The following WASHC5 variants were observed in gnomAD, a reference collection of about 807,000 sequenced individuals.
WASHC5 encodes the protein WASH complex subunit strumpellin.
A neutral mutation model predicts 150.4 loss-of-function variants in WASHC5; 101 were observed. That is an observed-to-expected ratio of 0.67 (90% CI 0.57 to 0.79). WASHC5 has a LOEUF of 0.79. WASHC5 is among the 30% of genes least tolerant of loss of function. WASHC5 has a pLI of 0.00. For missense variants in WASHC5, 1,195 were observed against 1,396.3 expected (o/e 0.86, Z 2.30); for synonymous variants, 467 against 491.2 (o/e 0.95, Z 0.65).
intron 5 of WASHC5, among the ~76,000 whole-genome samples, chr8:125,081,113 T>G (rs951270177): frequency 1.3e-5 from 2 of 152,118 alleles, no homozygotes; most frequent in Admixed American, 1.3e-4. Context: ...TAATCCATAC[T>G]TCTAATAATC....
intron 1 of WASHC5, among the ~76,000 whole-genome samples, chr8:125,089,672 A>G (rs1563640906): frequency 6.6e-6 from 1 of 152,252 alleles, no homozygotes; most frequent in Non-Finnish European, 1.5e-5. Context: ...CCCAACATAC[A>G]GAAGGACAGA....
intron 28 of WASHC5, among the ~76,000 whole-genome samples, chr8:125,025,206 G>A (rs1815342421): frequency 6.6e-6 from 1 of 152,172 alleles, no homozygotes; most frequent in Admixed American, 6.5e-5. Flanking sequence ...GAATGTAGAG[G>A]TAGGTGATCT....
chr8:125,045,823 CATAT>C (rs1816050158), intron 20 of WASHC5, among the ~76,000 whole-genome samples: 1 of 152,178 alleles, frequency 6.6e-6, no homozygotes, highest in Admixed American at 6.5e-5. Context: ...TGATAAAATT[CATAT>C]ATGATGTGGA....
intron 27 of WASHC5, among the ~76,000 whole-genome samples, chr8:125,031,940 C>A (rs1815551533): frequency 6.6e-6 from 1 of 152,122 alleles, no homozygotes; most frequent in Admixed American, 6.5e-5. Flanking sequence ...AGAGCTGCAT[C>A]CAAGAGTGCA....
chr8:125,044,838 GCACCCAATGCGTCTTCCCAGTGA>G, intron 20 of WASHC5, 140 bp from the exon 21 acceptor site: 1 of 866,788 alleles, frequency 1.2e-6, no homozygotes, highest in Non-Finnish European at 1.9e-6. Context: ...CTGTATTCAG[GCACCCAATGCGTCTTCCCAGTGA>G]CACCCAATGG....
rs1449509673 is a variant in WASHC5, at chr8:125,024,512, AAAT to A, written c.*102_*104del. 4 of 840,618 alleles carry A rather than the reference AAAT, an allele frequency of 4.8e-6. No individual in the cohort carries two copies. The Admixed American group carries it at 5.4e-5, about 11-fold the overall frequency. 52.1% of individuals were successfully genotyped at this position (840,618 alleles called of 1,614,324 possible). On this transcript the variant is annotated 3_prime_UTR_variant, in exon 29 of 29. Transcript: ENST00000318410. ...TGATGTTTCCCATAATAGACAGAAA[AAAT>A]GCAGTTGTATGAGCAACTGAGTTTC...
rs1816949195 is a variant in WASHC5 at position 125,073,142 on chromosome 8, T to C, written c.1150+11A>G. On this transcript the variant is annotated intron_variant, in intron 9 of 28. Coordinates refer to ENST00000318410, the MANE Select transcript of WASHC5 (RefSeq NM_014846.4). ...GGAGTAATATAAACGGCCACCCCTTTTGTGCATTACCTGAGTCTGCTGTAT... is the reference window on the plus strand; with the variant it reads ...GGAGTAATATAAACGGCCACCCCTTCTGTGCATTACCTGAGTCTGCTGTAT... 4 of 1,613,988 alleles carry C rather than the reference T, an allele frequency of 2.5e-6. No homozygotes were observed. The highest frequency in any genetic ancestry group is 1.7e-6 in the Non-Finnish European group (2 of 1,179,864).
chr8:125,085,797 A>T (rs1817402383), intron 1 of WASHC5, among the ~76,000 whole-genome samples: 1 of 152,196 alleles, frequency 6.6e-6, no homozygotes, highest in Admixed American at 6.5e-5. Context: ...ACTTACACAA[A>T]TGAAATAACT....
At position 125,033,694 on chromosome 8, in the gene WASHC5, G is replaced by A. The variant is rs557564321; in HGVS notation, c.3182-1300C>T. Among the ~76,000 whole-genome samples the A allele has an allele frequency of 8.6e-5, 13 of 151,856 alleles. No homozygotes were observed. In the South Asian group the frequency reaches 2.7e-3, roughly 32 times the overall value. ...CTCCCAAGTAGCTGGGATTACAGGCGTGTGCCACCACGTCTGGCTAATTTT... is the reference window on the plus strand; with the variant it reads ...CTCCCAAGTAGCTGGGATTACAGGCATGTGCCACCACGTCTGGCTAATTTT... On this transcript the variant is annotated intron_variant, in intron 26 of 28. Coordinates refer to ENST00000318410, the MANE Select transcript of WASHC5 (RefSeq NM_014846.4).
rs150588648 is a variant in WASHC5, at chr8:125,074,189, T to C, written c.978+809A>G. 1.6e-3 allele frequency among the ~76,000 whole-genome samples: 251 copies of C among 152,244 alleles called. 1 individual carries two copies. The highest frequency in any genetic ancestry group is 5.8e-3 in the African/African-American group (243 of 41,542). On this transcript the variant is annotated intron_variant, in intron 8 of 28. Coordinates refer to ENST00000318410, the MANE Select transcript of WASHC5 (RefSeq NM_014846.4). Reference sequence around the variant, plus strand: ...CTTAAAAATGTCACAAATGAGAAAATGCAATTTTAGAAAGGGATTTTAGCA... The same window carrying C: ...CTTAAAAATGTCACAAATGAGAAAACGCAATTTTAGAAAGGGATTTTAGCA...
Position 125,063,719 on chromosome 8 carries a change from A to G in WASHC5, c.1279-68T>C, listed in dbSNP as rs570321960. 5 of 1,446,170 alleles carry G rather than the reference A, an allele frequency of 3.5e-6. No individual in the cohort carries two copies. The East Asian group carries it at 9.3e-5, about 27-fold the overall frequency. 89.6% of individuals were successfully genotyped at this position (1,446,170 alleles called of 1,614,324 possible). ...TCCAGACTAGGCAGCTTATGAAGAG[A>G]GCTTGAGGAAACCCAATTTAAATTT... On this transcript the variant is annotated intron_variant, in intron 10 of 28. Coordinates refer to ENST00000318410, the MANE Select transcript of WASHC5 (RefSeq NM_014846.4).
rs755857918 is a variant in WASHC5, at chr8:125,083,258, C to G, written c.187G>C (p.Gly63Arg). Reference protein sequence around the residue: ...DIIFDFSYFKGPELWESKLDA... With the variant: ...DIIFDFSYFKRPELWESKLDA... The stretch of plus-strand genomic sequence containing the variant: ...AGTTTGCTTTCCCATAATTCTGGAC[C>G]CTGAGAAAAAAAAACACATGTGAAA... Residue 63 changes from glycine to arginine, a missense_variant and splice_region_variant, in exon 3 of 29, where the codon GGT becomes CGT. Physicochemically the swap from Gly to Arg is moderately radical, Grantham distance 125. Transcript: ENST00000318410. 6 of 1,610,526 alleles carry G rather than the reference C, an allele frequency of 3.7e-6. No individual in the cohort carries two copies. The highest frequency in any genetic ancestry group is 4.2e-6 in the Non-Finnish European group (5 of 1,178,548).
intron 1 of WASHC5, among the ~76,000 whole-genome samples, chr8:125,090,101 G>T (rs563572006): frequency 2.6e-5 from 4 of 152,190 alleles, no homozygotes; most frequent in Middle Eastern, 3.2e-3. Flanking sequence ...GTTAAAACAA[G>T]ATTAGCTGAA....
At chr8:125,040,275 C>T (rs183686115) in intron 23 of WASHC5, among the ~76,000 whole-genome samples, 31 of 152,248 alleles carry the variant, frequency 2.0e-4, no homozygotes, top group African/African-American at 7.5e-4. Context: ...TACTTACTTC[C>T]TTTTATTTAT....
chr8:125,056,566 A>G, intron 16 of WASHC5, 111 bp downstream of exon 16: 1 of 1,226,768 alleles, frequency 8.2e-7, no homozygotes, highest in Non-Finnish European at 1.2e-6. Flanking sequence ...TGAGACAACA[A>G]GTCAGAATTG....
intron 17 of WASHC5, among the ~76,000 whole-genome samples, chr8:125,055,126 ATAAG>A (rs1251582653): frequency 6.6e-6 from 1 of 152,084 alleles, no homozygotes; most frequent in Non-Finnish European, 1.5e-5. Context: ...TCCTCCATCA[ATAAG>A]TGAGTAAAAC....
chr8:125,089,631 G>GT (rs1817536491), intron 1 of WASHC5, among the ~76,000 whole-genome samples: 1 of 152,136 alleles, frequency 6.6e-6, no homozygotes, highest in Non-Finnish European at 1.5e-5. Context: ...TTAAAGCAAA[G>GT]TAACATTACT....
intron 17 of WASHC5, among the ~76,000 whole-genome samples, chr8:125,054,915 G>T (rs1487716494): frequency 6.6e-6 from 1 of 150,502 alleles, no homozygotes; most frequent in Non-Finnish European, 1.5e-5. Context: ...AGAGAGAGAA[G>T]AATAAAGCAA....
At chr8:125,041,824 A>C (rs904777606) in intron 23 of WASHC5, among the ~76,000 whole-genome samples, 3 of 152,244 alleles carry the variant, frequency 2.0e-5, no homozygotes, top group African/African-American at 7.2e-5. Context: ...TATAAATAGG[A>C]AGTGTTTGAA....
Sources: allele counts gnomAD v4.1 joint callset (sites outside exome capture counted in the v4.1 genomes callset), GRCh38; gene constraint gnomAD v4.1.1; transcripts MANE v1.5; gene names NCBI Gene and HGNC (gene_info 2026-07-23, HGNC 2026-07-21).